The following SYNPO2 variants were observed in gnomAD, a reference collection of about 807,000 sequenced individuals.
SYNPO2 encodes synaptopodin-2.
In SYNPO2, 56 loss-of-function variants were observed where a neutral mutation model predicts 85.0. That is an observed-to-expected ratio of 0.66 (90% CI 0.53 to 0.82). The LOEUF (loss-of-function observed/expected upper bound fraction) is 0.82. Ranked by LOEUF, SYNPO2 falls within the 40% of genes least tolerant of loss-of-function variation. The probability of loss-of-function intolerance (pLI) is 0.00; values close to 1 mark genes in which losing one functional copy is unlikely to be tolerated. For synonymous variants in SYNPO2, 602 were observed against 591.1 expected (o/e 1.02, Z -0.27); for missense variants, 1,575 against 1,534.2 (o/e 1.03, Z -0.44).
Position 119,030,009 on chromosome 4 carries a change from T to G in SYNPO2, c.1234T>G (p.Tyr412Asp). 6.2e-7 allele frequency: 1 copy of G among 1,614,012 alleles called. No individual in the cohort carries two copies. Among genetic ancestry groups the G allele is most frequent in the Non-Finnish European group, 8.5e-7 (1 of 1,180,004 alleles). Residue 412 changes from tyrosine (Y) to aspartate (D), a missense_variant, in exon 4 of 5, where the codon TAC becomes GAC. Physicochemically the swap from Tyr to Asp is radical, Grantham distance 160. This residue lies in a region of SYNPO2 where 1,508 missense variants were observed against 1,446.8 expected (regional missense o/e 1.04). Coordinates refer to ENST00000307142, the MANE Select transcript of SYNPO2 (RefSeq NM_133477.3). Reference sequence around the variant, plus strand: ...GGCCAGGAAATACACCCTAGTTAGCTACGGTACTGGCGAGCTTGAGCGAGA... The same window carrying G: ...GGCCAGGAAATACACCCTAGTTAGCGACGGTACTGGCGAGCTTGAGCGAGA... The part of the protein sequence containing the change: ...RRARKYTLVS[Y>D]GTGELEREAD...
chr4:118,910,229 T>C (rs1733090706), intron 1 of SYNPO2, among the ~76,000 whole-genome samples: 1 of 152,238 alleles, frequency 6.6e-6, no homozygotes, highest in South Asian at 2.1e-4. Context: ...TCCTAAACCC[T>C]GACTTGTAGC....
At chr4:118,947,765 G>A (rs1734555671) in intron 1 of SYNPO2, among the ~76,000 whole-genome samples, 1 of 152,156 alleles carries the variant, frequency 6.6e-6, no homozygotes, top group Admixed American at 6.5e-5. Context: ...TGCTTTCATA[G>A]CACTGTGTGT....
At chr4:119,057,283 AT>A (rs1409670409) in intron 4 of SYNPO2, 117 bp from the exon 5 acceptor site, 1 of 1,117,090 alleles carries the variant, frequency 9.0e-7, no homozygotes, top group African/African-American at 1.6e-5. Flanking sequence ...GGGTTAATTT[AT>A]TTTTATTTTT....
chr4:118,928,632 C>T (rs1733818668), intron 1 of SYNPO2, among the ~76,000 whole-genome samples: 1 of 152,090 alleles, frequency 6.6e-6, no homozygotes, highest in Non-Finnish European at 1.5e-5. Flanking sequence ...CATGCAGATA[C>T]AAAAAGATGC....
At chr4:119,048,849 A>G (rs528450909) in intron 4 of SYNPO2, among the ~76,000 whole-genome samples, 1 of 152,348 alleles carries the variant, frequency 6.6e-6, no homozygotes, top group Admixed American at 6.5e-5. Flanking sequence ...TTGTAGGTCA[A>G]TGAAAGGACT....
intron 1 of SYNPO2, among the ~76,000 whole-genome samples, chr4:118,879,255 C>T (rs766380432): frequency 1.3e-5 from 2 of 152,162 alleles, no homozygotes; most frequent in Non-Finnish European, 2.9e-5. Flanking sequence ...GACCATGAAC[C>T]CACTGGAATG....
At chr4:119,022,523 T>TG (rs1390067043) in intron 1 of SYNPO2, among the ~76,000 whole-genome samples, 12 of 142,920 alleles carry the variant, frequency 8.4e-5, no homozygotes, top group African/African-American at 2.6e-4. Context: ...TTTTTTTTTT[T>TG]TTTTTTTTTT....
At chr4:119,021,673 G>C (rs1737728534) in intron 1 of SYNPO2, among the ~76,000 whole-genome samples, 1 of 152,120 alleles carries the variant, frequency 6.6e-6, no homozygotes. Flanking sequence ...AGAGACTAAA[G>C]GTAGTCTTAA....
intron 1 of SYNPO2, among the ~76,000 whole-genome samples, chr4:118,903,708 A>G (rs1732832836): frequency 7.6e-6 from 1 of 131,562 alleles, no homozygotes. Flanking sequence ...GTCCCACTTA[A>G]AAATGGTACA....
chr4:118,978,898 G>C (rs1289230436), intron 1 of SYNPO2, among the ~76,000 whole-genome samples: 1 of 151,714 alleles, frequency 6.6e-6, no homozygotes, highest in Admixed American at 6.6e-5. Context: ...CCAACTTATT[G>C]TTTTATCCTA....
chr4:119,031,646 A>T lies in SYNPO2; in HGVS notation c.2871A>T (p.Lys957Asn). 1 of 1,613,922 alleles carries T rather than the reference A, an allele frequency of 6.2e-7. No homozygotes were observed. The highest frequency in any genetic ancestry group is 8.5e-7 in the Non-Finnish European group (1 of 1,179,988). The change falls in exon 4 of 5, where the codon AAA (lysine) becomes AAT (asparagine). Residue 957 changes from lysine to asparagine, a missense_variant. Coordinates refer to ENST00000307142, the MANE Select transcript of SYNPO2 (RefSeq NM_133477.3). The stretch of plus-strand genomic sequence containing the variant: ...AAATGGGCAAGAAAAAGGGAAAGAA[A>T]CCCCTCAATGCATTAGATGTCATGA... ...PSKMGKKKGK[K>N]PLNALDVMKH...
intron 1 of SYNPO2, among the ~76,000 whole-genome samples, chr4:118,962,643 T>C (rs548476574): frequency 6.6e-6 from 1 of 152,178 alleles, no homozygotes; most frequent in Non-Finnish European, 1.5e-5. Context: ...GAGATCATTT[T>C]TGTCCCCTTT....
chr4:119,050,709 G>A (rs1739011530), intron 4 of SYNPO2, among the ~76,000 whole-genome samples: 1 of 152,184 alleles, frequency 6.6e-6, no homozygotes, highest in South Asian at 2.1e-4. Context: ...TGACTCATGA[G>A]TTCAGTGGGA....
In SYNPO2 at chr4:119,060,521, AC is replaced by A. The variant is rs1739378712; in HGVS notation, c.*2588del. Reference sequence around the variant, plus strand: ...CATTGAAGCTAATGGTTGAGACAAGACACCTGCCAGAGTGAAGTTTGATTCC... The same window carrying A: ...CATTGAAGCTAATGGTTGAGACAAGAACCTGCCAGAGTGAAGTTTGATTCC... On this transcript the variant is annotated 3_prime_UTR_variant, in exon 5 of 5. Transcript: ENST00000307142. 6.6e-6 allele frequency: 1 copy of A among 152,208 alleles called. No individual in the cohort carries two copies. Among genetic ancestry groups the A allele is most frequent in the Non-Finnish European group, 1.5e-5 (1 of 68,012 alleles). 9.4% of individuals were successfully genotyped at this position (152,208 alleles called of 1,614,324 possible). A position where few individuals can be genotyped will look rare whatever the true frequency, so the allele number is the denominator to read the frequency against.
intron 1 of SYNPO2, among the ~76,000 whole-genome samples, chr4:118,877,361 G>A (rs1731945657): frequency 6.6e-6 from 1 of 151,788 alleles, no homozygotes; most frequent in Non-Finnish European, 1.5e-5. Flanking sequence ...TTGACAAACG[G>A]GACCCAAATA....
intron 1 of SYNPO2, among the ~76,000 whole-genome samples, chr4:118,896,528 G>T (rs1732555083): frequency 6.6e-6 from 1 of 152,156 alleles, no homozygotes; most frequent in African/African-American, 2.4e-5. Context: ...ATCTCAGAAA[G>T]AAAATAATGT....
chr4:119,021,001 T>A (rs1185396409), intron 1 of SYNPO2, among the ~76,000 whole-genome samples: 1 of 152,174 alleles, frequency 6.6e-6, no homozygotes, highest in African/African-American at 2.4e-5. Flanking sequence ...TATTTTCTAA[T>A]AAATTAGTGT....
At chr4:119,040,059 A>G (rs1462470377) in intron 4 of SYNPO2, among the ~76,000 whole-genome samples, 1 of 152,214 alleles carries the variant, frequency 6.6e-6, no homozygotes, top group African/African-American at 2.4e-5. Flanking sequence ...GAAGACAATA[A>G]TAGGTGTACC....
intron 1 of SYNPO2, among the ~76,000 whole-genome samples, chr4:118,977,627 G>A (rs2149160928): frequency 6.6e-6 from 1 of 152,362 alleles, no homozygotes; most frequent in South Asian, 2.1e-4. Context: ...GGAGACACTA[G>A]CCTTGTGGGT....
Sources: gnomAD v4.1 joint callset for allele counts (sites outside exome capture counted in the v4.1 genomes callset) on GRCh38, gnomAD v4.1.1 for gene constraint, gnomAD v4.1.1 regional missense constraint, MANE v1.5 for transcripts, NCBI Gene and HGNC (gene_info 2026-07-23, HGNC 2026-07-21) for gene names.